Variants in GCM1 observed in about 807,000 individuals in gnomAD.
The protein encoded by GCM1 is GCM transcription factor 1.
A neutral mutation model predicts 25.7 loss-of-function variants in GCM1; 2 were observed. That is an observed-to-expected ratio of 0.08 (90% confidence interval 0.03 to 0.24). The LOEUF is 0.24. Among genes scored for constraint, GCM1 ranks in the 10% least tolerant of loss-of-function variants. GCM1 has a pLI of 1.00. For synonymous variants in GCM1, 183 were observed against 195.7 expected (o/e 0.94, Z 0.54); for missense variants, 395 against 538.7 (o/e 0.73, Z 2.64).
At chr6:53,141,510 AC>A (rs1382592124) in intron 2 of GCM1, among the ~76,000 whole-genome samples, 1 of 151,862 alleles carries the variant, frequency 6.6e-6, no homozygotes, top group African/African-American at 2.4e-5. Flanking sequence ...ACACGGTGAA[AC>A]CCTGTCTCTA....
intron 2 of GCM1, among the ~76,000 whole-genome samples, chr6:53,138,356 C>A (rs1250051334): frequency 6.6e-6 from 1 of 150,534 alleles, no homozygotes; most frequent in Non-Finnish European, 1.5e-5. Flanking sequence ...TAAATATACT[C>A]ACATCAAGCT....
In GCM1 at chr6:53,128,695, G is replaced by A. The variant is rs748358524; in HGVS notation, c.822C>T (p.Tyr274=). 3.7e-6 allele frequency: 6 copies of A among 1,614,028 alleles called. No homozygotes were observed. The highest frequency in any genetic ancestry group is 1.1e-5 in the South Asian group (1 of 91,084). The stretch of plus-strand genomic sequence containing the variant: ...AAGGAGGAAGCAGGTCTCCACTACT[G>A]TAGGTTCTGCTACTGGACAATTTGC... The part of the protein sequence containing the change: ...EKRKLSSSRT[Y]SSGDLLPPSA... The change falls in exon 6 of 6, where the codon TAC becomes TAT. Residue 274 remains tyrosine (Y), a synonymous_variant. Coordinates refer to ENST00000259803, the MANE Select transcript of GCM1 (RefSeq NM_003643.4).
At chr6:53,130,618 A>T (rs1763710046) in intron 5 of GCM1, among the ~76,000 whole-genome samples, 185 bp downstream of exon 5, 1 of 152,232 alleles carries the variant, frequency 6.6e-6, no homozygotes, top group Non-Finnish European at 1.5e-5. Flanking sequence ...CATGCTACAA[A>T]GATGGTAGAA....
chr6:53,144,573 C>A (rs1763926221), intron 2 of GCM1, among the ~76,000 whole-genome samples: 1 of 150,930 alleles, frequency 6.6e-6, no homozygotes, highest in African/African-American at 2.4e-5. Flanking sequence ...CGAGTGATTG[C>A]TTGAGCCCAG....
intron 3 of GCM1, among the ~76,000 whole-genome samples, chr6:53,132,443 G>T (rs1022508481): frequency 6.6e-6 from 1 of 152,206 alleles, no homozygotes; most frequent in Non-Finnish European, 1.5e-5. Flanking sequence ...AGGCACAGTG[G>T]CTCACACCCA....
chr6:53,130,475 C>T (rs117770836), intron 5 of GCM1, among the ~76,000 whole-genome samples: 1,791 of 152,242 alleles, frequency 0.012, 18 homozygotes, highest in East Asian at 0.062. Context: ...ATGCATAAGG[C>T]TACTATTTTG....
At chr6:53,139,062 G>A (rs148336588) in intron 2 of GCM1, among the ~76,000 whole-genome samples, 1,909 of 152,156 alleles carry the variant, frequency 0.013, 21 homozygotes, top group East Asian at 0.073. Context: ...TTGGAATATA[G>A]TCTGCTCTTG....
intron 2 of GCM1, among the ~76,000 whole-genome samples, chr6:53,142,212 G>A (rs550243895): frequency 6.6e-6 from 1 of 152,110 alleles, no homozygotes; most frequent in South Asian, 2.1e-4. Context: ...AGATCGATGG[G>A]ACAGAGAGTG....
At chr6:53,136,733 G>A (rs1763804169) in intron 2 of GCM1, among the ~76,000 whole-genome samples, 2 of 152,124 alleles carry the variant, frequency 1.3e-5, no homozygotes, top group Non-Finnish European at 2.9e-5. Context: ...CCAGCACGTT[G>A]GGAGGCTGAG....
Position 53,128,342 on chromosome 6 carries a change from G to A in GCM1, c.1175C>T (p.Thr392Ile). 1.2e-6 allele frequency: 2 copies of A among 1,614,112 alleles called. No individual in the cohort carries two copies. The highest frequency in any genetic ancestry group is 2.2e-5 in the East Asian group (1 of 44,880). ...HSPQEDPFLF[T>I]YASHPHQQYS... ...TTGCTGATGAGGATGAGAGGCGTAGGTGAAGAGAAAGGGGTCTTCTTGAGG... is the reference window on the plus strand; with the variant it reads ...TTGCTGATGAGGATGAGAGGCGTAGATGAAGAGAAAGGGGTCTTCTTGAGG... Residue 392 changes from threonine (T) to isoleucine (I), a missense_variant, in exon 6 of 6, where the codon ACC becomes ATC. Around this residue, in one of 5 missense-constraint regions of GCM1, gnomAD observed 291 missense variants for 314.6 expected, o/e 0.92. Transcript: ENST00000259803.
chr6:53,128,028 C>CAAAAAAAAAAAA lies in GCM1; in HGVS notation c.*166_*177dup, dbSNP rs1223691364. The CAAAAAAAAAAAA allele has an allele frequency of 9.4e-3, 619 of 66,182 alleles. 5 individuals carry two copies. Among genetic ancestry groups the CAAAAAAAAAAAA allele is most frequent in the African/African-American group, 0.012 (110 of 9,498 alleles). 4.1% of individuals were successfully genotyped at this position (66,182 alleles called of 1,614,324 possible). A position where few individuals can be genotyped will look rare whatever the true frequency, so the allele number is the denominator to read the frequency against. On this transcript the variant is annotated 3_prime_UTR_variant, in exon 6 of 6. Coordinates refer to ENST00000259803, the MANE Select transcript of GCM1 (RefSeq NM_003643.4). ...TGGGCAAAAGAGCAAGACTCTGTCT[C>CAAAAAAAAAAAA]AAAAAAAAAAAAAAAAAAAAAAAAA...
intron 3 of GCM1, among the ~76,000 whole-genome samples, chr6:53,132,744 A>C (rs1490291585): frequency 6.6e-6 from 1 of 152,102 alleles, no homozygotes; most frequent in African/African-American, 2.4e-5. Context: ...TTCACTTCAC[A>C]ATTAGAACTA....
intron 2 of GCM1, among the ~76,000 whole-genome samples, chr6:53,140,615 A>G (rs912779510): frequency 2.0e-5 from 3 of 151,570 alleles, no homozygotes; most frequent in African/African-American, 7.3e-5. Flanking sequence ...TTAATTTGCA[A>G]ACTGCTCAGT....
At position 53,127,977 on chromosome 6, in the gene GCM1, C is replaced by A. The variant is rs532582377; in HGVS notation, c.*229G>T. 5 of 297,334 alleles carry A rather than the reference C, an allele frequency of 1.7e-5. No individual in the cohort carries two copies. The highest frequency in any genetic ancestry group is 1.0e-4 in the African/African-American group (4 of 38,908). 18.4% of individuals were successfully genotyped at this position (297,334 alleles called of 1,614,324 possible). Reference sequence around the variant, plus strand: ...CCGGGAGGCAGAGGTTGCAGTGAGCCGAGATGGCGCCACTGCATTCCTGCC... The same window carrying A: ...CCGGGAGGCAGAGGTTGCAGTGAGCAGAGATGGCGCCACTGCATTCCTGCC... On this transcript the variant is annotated 3_prime_UTR_variant, in exon 6 of 6. Coordinates refer to ENST00000259803, the MANE Select transcript of GCM1 (RefSeq NM_003643.4).
intron 3 of GCM1, among the ~76,000 whole-genome samples, chr6:53,133,813 C>A (rs1763759558): frequency 6.6e-6 from 1 of 152,168 alleles, no homozygotes; most frequent in South Asian, 2.1e-4. Context: ...TAACAGGAGC[C>A]TTCAGTCCAG....
intron 1 of GCM1, among the ~76,000 whole-genome samples, chr6:53,146,434 G>A (rs1763959079): frequency 6.6e-6 from 1 of 151,722 alleles, no homozygotes; most frequent in South Asian, 2.1e-4. Flanking sequence ...TGGCCAGCCT[G>A]GTCTCGAACT....
chr6:53,128,939 G>A lies in GCM1; in HGVS notation c.578C>T (p.Pro193Leu), dbSNP rs779285520. The change falls in exon 6 of 6, where the codon CCA becomes CTA. Residue 193 changes from proline (P) to leucine (L), a missense_variant. By Grantham distance (98) the Pro-to-Leu change is moderately conservative (BLOSUM62 -3). Coordinates refer to ENST00000259803, the MANE Select transcript of GCM1 (RefSeq NM_003643.4). Reference sequence around the variant, plus strand: ...ACTCCCCTGACTTTGTGTTTCACCTGGAAGAGACTGGAAAGGAAAGTGAAA... The same window carrying A: ...ACTCCCCTGACTTTGTGTTTCACCTAGAAGAGACTGGAAAGGAAAGTGAAA... ...LKGSTETRSL[P>L]GETQSQGSLP... is the part of the protein sequence containing the mutation. 1 of 1,610,864 alleles carries A rather than the reference G, an allele frequency of 6.2e-7. No homozygotes were observed. The highest frequency in any genetic ancestry group is 1.1e-5 in the South Asian group (1 of 90,708).
At chr6:53,139,717 C>T (rs908400435) in intron 2 of GCM1, among the ~76,000 whole-genome samples, 13 of 152,026 alleles carry the variant, frequency 8.6e-5, no homozygotes, top group African/African-American at 3.1e-4. Flanking sequence ...AAAAATTAGC[C>T]AGCCATGGTG....
intron 1 of GCM1, among the ~76,000 whole-genome samples, chr6:53,148,425 CTA>C (rs1763996017): frequency 6.6e-6 from 1 of 152,124 alleles, no homozygotes; most frequent in South Asian, 2.1e-4. Flanking sequence ...TACAGAACAA[CTA>C]TGTTACATTT....
Sources: allele counts gnomAD v4.1 joint callset (sites outside exome capture counted in the v4.1 genomes callset), GRCh38; gene constraint gnomAD v4.1.1; regional missense constraint gnomAD v4.1.1; transcripts MANE v1.5; gene names NCBI Gene and HGNC (gene_info 2026-07-23, HGNC 2026-07-21).